The following NVL variants were observed in gnomAD, a reference collection of about 807,000 sequenced individuals.
The protein encoded by NVL is nuclear VCP like, also known as nuclear valosin-containing protein-like.
Under a neutral mutation model 110.2 loss-of-function variants are expected in NVL, and 84 were observed. The observed-to-expected ratio is 0.76, with a 90% CI of 0.64 to 0.91. NVL has a LOEUF of 0.91. Among genes scored for constraint, NVL ranks in the 40% least tolerant of loss-of-function variants. NVL has a pLI of 0.00. For missense variants in NVL, 882 were observed against 1,035.9 expected (o/e 0.85, Z 2.04); for synonymous variants, 354 against 361.1 (o/e 0.98, Z 0.22).
At chr1:224,256,720 C>T (rs1002869200) in intron 18 of NVL, among the ~76,000 whole-genome samples, 2 of 152,176 alleles carry the variant, frequency 1.3e-5, no homozygotes, top group African/African-American at 2.4e-5. Context: ...CTATGTATTA[C>T]ATCATTAGAA....
In NVL at chr1:224,330,158, C is replaced by T. The variant is rs745443789; in HGVS notation, c.-31G>A. On this transcript the variant is annotated 5_prime_UTR_variant, in exon 1 of 23. Coordinates refer to ENST00000281701, the MANE Select transcript of NVL (RefSeq NM_002533.4). ...CGGTCTTCCAAGCCACAGCTCGGAC[C>T]GCCAGCTCCTAGTCAACCGGGGGCC... is the stretch of plus-strand genomic sequence containing the variant. The T allele has an allele frequency of 1.9e-6, 3 of 1,612,686 alleles. No individual in the cohort carries two copies. Among genetic ancestry groups the T allele is most frequent in the Admixed American group, 3.3e-5 (2 of 60,010 alleles).
chr1:224,321,240 G>A (rs963612061), intron 2 of NVL, among the ~76,000 whole-genome samples: 2 of 151,972 alleles, frequency 1.3e-5, no homozygotes, highest in Non-Finnish European at 2.9e-5. Context: ...GCGAGACTGT[G>A]TCTCCAAAAA....
At chr1:224,310,908 T>G (rs1272677426) in intron 5 of NVL, among the ~76,000 whole-genome samples, 1 of 152,048 alleles carries the variant, frequency 6.6e-6, no homozygotes, top group Non-Finnish European at 1.5e-5. Context: ...TTTTTATTTG[T>G]TTTTTGTAGA....
chr1:224,286,911 G>C (rs1199978389), intron 14 of NVL, among the ~76,000 whole-genome samples: 2 of 152,118 alleles, frequency 1.3e-5, no homozygotes, highest in African/African-American at 2.4e-5. Flanking sequence ...TTAATCCAAA[G>C]TTTTATGTGC....
chr1:224,319,556 T>G (rs1206563688), intron 2 of NVL, among the ~76,000 whole-genome samples: 1 of 152,128 alleles, frequency 6.6e-6, no homozygotes, highest in Non-Finnish European at 1.5e-5. Flanking sequence ...ATTTACTTGG[T>G]TGTTGTGTCT....
intron 4 of NVL, chr1:224,313,168 A>G (rs1356449141): frequency 3.5e-6 from 1 of 285,192 alleles, no homozygotes; most frequent in South Asian, 2.9e-5. Context: ...CAAAAAAAAA[A>G]AAAAAAAAAA....
intron 10 of NVL, among the ~76,000 whole-genome samples, chr1:224,299,907 G>T (rs1668234657): frequency 6.6e-6 from 1 of 151,386 alleles, no homozygotes. Context: ...CAGTTGTATT[G>T]GATATTCATC....
intron 8 of NVL, among the ~76,000 whole-genome samples, chr1:224,304,142 T>G (rs1366102569): frequency 6.6e-6 from 1 of 152,066 alleles, no homozygotes; most frequent in Non-Finnish European, 1.5e-5. Context: ...AAGTTACCAT[T>G]ACGGCCAGGC....
chr1:224,303,610 A>G, intron 9 of NVL, 113 bp downstream of exon 9: 1 of 1,044,928 alleles, frequency 9.6e-7, no homozygotes, highest in East Asian at 2.6e-5. Flanking sequence ...TCCAATGACT[A>G]TGTTCTCTTC....
intron 20 of NVL, among the ~76,000 whole-genome samples, chr1:224,234,766 G>A (rs1320409134): frequency 2.6e-5 from 4 of 152,116 alleles, no homozygotes; most frequent in Non-Finnish European, 1.5e-5. Flanking sequence ...GCTATAGACT[G>A]TAGTGGTGTA....
At chr1:224,294,537 C>A in intron 11 of NVL, 126 bp from the exon 12 acceptor site, 4 of 866,546 alleles carry the variant, frequency 4.6e-6, no homozygotes, top group Non-Finnish European at 7.1e-6. Flanking sequence ...CATATAAAAC[C>A]AACATTTATT....
intron 9 of NVL, chr1:224,302,941 C>T (rs186726572): frequency 1.2e-3 from 361 of 310,236 alleles, no homozygotes; most frequent in South Asian, 1.8e-3. Context: ...TCCAGTTACT[C>T]GGGAGGCTGA....
intron 22 of NVL, among the ~76,000 whole-genome samples, chr1:224,229,352 T>C (rs1428760046): frequency 6.6e-6 from 1 of 152,124 alleles, no homozygotes; most frequent in Non-Finnish European, 1.5e-5. Flanking sequence ...TTTCATATCC[T>C]TGCCACCATT....
chr1:224,230,526 C>G lies in NVL; in HGVS notation c.2526+700G>C, dbSNP rs532212381. ...GGCTGAGACAGAAGAATCGCTTGAA[C>G]CCAGGAGGCAGAGGTTGCAGTGAGC... On this transcript the variant is annotated intron_variant, in intron 22 of 22. Transcript: ENST00000281701. Among the ~76,000 whole-genome samples the G allele has an allele frequency of 2.3e-3, 355 of 152,130 alleles. 2 individuals are homozygous for G. The highest frequency in any genetic ancestry group is 7.9e-3 in the African/African-American group (327 of 41,502).
chr1:224,231,404 G>C, intron 21 of NVL, 108 bp from the exon 22 acceptor site: 1 of 764,164 alleles, frequency 1.3e-6, no homozygotes. Context: ...CCACTAAAGA[G>C]ATCAGTGATG....
At chr1:224,245,319 A>T (rs1661685601) in intron 19 of NVL, among the ~76,000 whole-genome samples, 1 of 152,072 alleles carries the variant, frequency 6.6e-6, no homozygotes, top group Admixed American at 6.6e-5. Flanking sequence ...TCTTCCTCTC[A>T]ATCTGCCCTG....
At chr1:224,266,743 G>A (rs1399968205) in intron 18 of NVL, among the ~76,000 whole-genome samples, 1 of 152,174 alleles carries the variant, frequency 6.6e-6, no homozygotes, top group East Asian at 1.9e-4. Flanking sequence ...GGATGACTCT[G>A]TGATTTTATG....
Position 224,279,561 on chromosome 1 carries a change from T to C in NVL, c.1962+1562A>G, listed in dbSNP as rs571300224. Among the ~76,000 whole-genome samples the C allele has an allele frequency of 3.5e-3, 536 of 152,300 alleles. 4 individuals are homozygous for C. Among genetic ancestry groups the C allele is most frequent in the African/African-American group, 0.012 (502 of 41,562 alleles). Reference sequence around the variant, plus strand: ...GTTTATAAGGAGAGTTCCAAACTTATAACTAAAGAGATATAACAGTTATAA... The same window carrying C: ...GTTTATAAGGAGAGTTCCAAACTTACAACTAAAGAGATATAACAGTTATAA... On this transcript the variant is annotated intron_variant, in intron 16 of 22. Coordinates refer to ENST00000281701, the MANE Select transcript of NVL (RefSeq NM_002533.4).
intron 16 of NVL, among the ~76,000 whole-genome samples, chr1:224,277,019 T>C (rs1665842594): frequency 6.7e-6 from 1 of 148,218 alleles, no homozygotes; most frequent in African/African-American, 2.5e-5. Context: ...TGTTTTACTA[T>C]CATTTGACCG....
Sources: allele counts gnomAD v4.1 joint callset (sites outside exome capture counted in the v4.1 genomes callset), GRCh38; gene constraint gnomAD v4.1.1; transcripts MANE v1.5; gene names NCBI Gene and HGNC (gene_info 2026-07-23, HGNC 2026-07-21).